Variants in ALK observed in about 807,000 individuals in gnomAD.
The protein encoded by ALK is ALK receptor tyrosine kinase, also known as ALK tyrosine kinase receptor.
ALK carries 74 observed loss-of-function variants against 163.1 expected under a neutral mutation model. That is an observed-to-expected ratio of 0.45 (90% CI 0.38 to 0.55). ALK has a LOEUF of 0.55. Among genes scored for constraint, ALK ranks in the 20% least tolerant of loss-of-function variants. The pLI is 0.00. For synonymous variants in ALK, 960 were observed against 843.2 expected, an observed-to-expected ratio of 1.14 and a Z score of -2.40; for missense variants, 2,063 against 2,105.3, an observed-to-expected ratio of 0.98 and a Z score of 0.39.
chr2:29,524,241 G>A (rs932980866), intron 4 of ALK, among the ~76,000 whole-genome samples: 2 of 152,194 alleles, frequency 1.3e-5, no homozygotes, highest in African/African-American at 4.8e-5. Flanking sequence ...GCCAGACATT[G>A]CTAGCATAAA....
chr2:29,674,334 T>C (rs1677803774), intron 3 of ALK, among the ~76,000 whole-genome samples: 1 of 151,874 alleles, frequency 6.6e-6, no homozygotes. Flanking sequence ...CTCTTATTAT[T>C]TTGAAATACG....
intron 4 of ALK, among the ~76,000 whole-genome samples, chr2:29,457,099 T>C (rs2148098421): frequency 6.6e-6 from 1 of 152,294 alleles, no homozygotes; most frequent in African/African-American, 2.4e-5. Context: ...AAAGGCACCG[T>C]GGTAACTTTC....
intron 3 of ALK, among the ~76,000 whole-genome samples, chr2:29,560,397 A>T (rs996710979): frequency 1.3e-5 from 2 of 152,224 alleles, no homozygotes; most frequent in South Asian, 2.1e-4. Context: ...AGAGACAAGA[A>T]ATAGATTAAG....
At position 29,520,696 on chromosome 2, in the gene ALK, T is replaced by C. The variant is rs115464329; in HGVS notation, c.1154+11219A>G. 7.5e-3 allele frequency among the ~76,000 whole-genome samples: 1,145 copies of C among 152,226 alleles called. 24 individuals carry two copies. Among genetic ancestry groups the C allele is most frequent in the African/African-American group, 0.026 (1,065 of 41,522 alleles). ...GAAGGTGAGGGAAGGCAAAATGGCT[T>C]GAACTGGCTTGCTTCACTTGGGGGC... is the stretch of plus-strand genomic sequence containing the variant. On this transcript the variant is annotated intron_variant, in intron 4 of 28. Transcript: ENST00000389048.
At chr2:29,459,677 T>C (rs1444240637) in intron 4 of ALK, among the ~76,000 whole-genome samples, 1 of 152,040 alleles carries the variant, frequency 6.6e-6, no homozygotes, top group Non-Finnish European at 1.5e-5. Context: ...TATAAATGAA[T>C]AGCCATCTTG....
In ALK at chr2:29,297,080, A is replaced by G. The variant is rs554464324; in HGVS notation, c.1648-23T>C. On this transcript the variant is annotated intron_variant, in intron 8 of 28. Transcript: ENST00000389048. ...GAGCTGTGAGGGCGAGAAGAGTCAG[A>G]GGACAAGGTATGATTGCTGAAAGGT... 53 of 1,614,156 alleles carry G rather than the reference A, an allele frequency of 3.3e-5. No homozygotes were observed. The East Asian group carries it at 8.5e-4, about 26-fold the overall frequency.
At chr2:29,274,293 C>A (rs987243308) in intron 11 of ALK, among the ~76,000 whole-genome samples, 3 of 152,214 alleles carry the variant, frequency 2.0e-5, no homozygotes, top group African/African-American at 7.2e-5. Context: ...TATCATTGAT[C>A]TGTTATTATT....
At chr2:29,220,914 A>C in intron 22 of ALK, 79 bp from the exon 23 acceptor site, 1 of 1,591,380 alleles carries the variant, frequency 6.3e-7, no homozygotes, top group African/African-American at 1.3e-5. Flanking sequence ...AACAGGATAC[A>C]AAGTTACATT....
intron 3 of ALK, among the ~76,000 whole-genome samples, chr2:29,634,630 T>C (rs1050109120): frequency 1.3e-5 from 2 of 152,190 alleles, no homozygotes; most frequent in African/African-American, 4.8e-5. Flanking sequence ...CTTCTTCAAC[T>C]TGATAAATCT....
intron 3 of ALK, among the ~76,000 whole-genome samples, chr2:29,575,279 GCTT>G (rs779477045): frequency 1.6e-4 from 25 of 152,180 alleles, no homozygotes; most frequent in Non-Finnish European, 3.1e-4. Context: ...AATACATTTT[GCTT>G]CTTGCGAGAT....
intron 1 of ALK, among the ~76,000 whole-genome samples, chr2:29,878,276 A>G (rs1367910441): frequency 1.3e-5 from 2 of 152,202 alleles, no homozygotes; most frequent in African/African-American, 4.8e-5. Context: ...AAATCGAGAG[A>G]AAAAGTTATA....
chr2:29,671,837 C>T (rs1165384455), intron 3 of ALK, among the ~76,000 whole-genome samples: 1 of 151,730 alleles, frequency 6.6e-6, no homozygotes, highest in Non-Finnish European at 1.5e-5. Flanking sequence ...TTCTACACCA[C>T]CATTTTAAAA....
intron 23 of ALK, among the ~76,000 whole-genome samples, chr2:29,216,911 A>C (rs1323296024): frequency 2.8e-5 from 2 of 71,606 alleles, no homozygotes; most frequent in African/African-American, 4.5e-5. Flanking sequence ...TATATGTGGT[A>C]TATGTCTTTA....
At chr2:29,464,562 C>T (rs576712325) in intron 4 of ALK, among the ~76,000 whole-genome samples, 12 of 151,746 alleles carry the variant, frequency 7.9e-5, no homozygotes, top group Non-Finnish European at 1.0e-4. Flanking sequence ...AAATGAAAGA[C>T]TGAAACAGGC....
chr2:29,817,684 T>C (rs1156382743), intron 1 of ALK, among the ~76,000 whole-genome samples: 2 of 152,174 alleles, frequency 1.3e-5, no homozygotes, highest in East Asian at 1.9e-4. Flanking sequence ...CCTTCCTCCA[T>C]TCCTCTCTTC....
intron 1 of ALK, among the ~76,000 whole-genome samples, chr2:29,736,321 A>C (rs1349144468): frequency 6.6e-6 from 1 of 152,046 alleles, no homozygotes; most frequent in Non-Finnish European, 1.5e-5. Flanking sequence ...TCTGGTTATG[A>C]GTCATTTATT....
At chr2:29,400,628 C>T (rs1669419962) in intron 4 of ALK, among the ~76,000 whole-genome samples, 1 of 152,174 alleles carries the variant, frequency 6.6e-6, no homozygotes, top group Admixed American at 6.5e-5. Flanking sequence ...TTTATGAAGT[C>T]CCCTTTTCCC....
intron 1 of ALK, among the ~76,000 whole-genome samples, chr2:29,889,985 C>T (rs994152994): frequency 1.1e-4 from 17 of 152,262 alleles, no homozygotes; most frequent in African/African-American, 3.9e-4. Context: ...TGCTTCAAAA[C>T]GTGTACATCC....
intron 1 of ALK, among the ~76,000 whole-genome samples, chr2:29,724,736 CTA>C (rs1344986069): frequency 6.6e-6 from 1 of 152,080 alleles, no homozygotes; most frequent in African/African-American, 2.4e-5. Flanking sequence ...ATTTGTTTCT[CTA>C]TGGTTTGCTT....
Sources: allele counts gnomAD v4.1 joint callset (sites outside exome capture counted in the v4.1 genomes callset), GRCh38; gene constraint gnomAD v4.1.1; transcripts MANE v1.5; gene names NCBI Gene and HGNC (gene_info 2026-07-23, HGNC 2026-07-21).